Variants in PTPRG observed in about 807,000 individuals in gnomAD.
The protein encoded by PTPRG is protein tyrosine phosphatase receptor type G.
In PTPRG, 102 loss-of-function variants were observed where a neutral mutation model predicts 165.3. The observed-to-expected ratio is 0.62, with a 90% CI of 0.53 to 0.73. PTPRG has a LOEUF of 0.73. Among genes scored for constraint, PTPRG ranks in the 30% least tolerant of loss-of-function variants. The pLI, the probability that PTPRG is intolerant of heterozygous loss-of-function variation, is 0.00. For missense variants in PTPRG, 1,866 were observed against 1,861.4 expected (o/e 1.00, Z -0.05); for synonymous variants, 675 against 669.5 (o/e 1.01, Z -0.13).
chr3:61,661,894 C>A (rs1702678701), intron 1 of PTPRG, among the ~76,000 whole-genome samples: 1 of 152,176 alleles, frequency 6.6e-6, no homozygotes, highest in Non-Finnish European at 1.5e-5. Context: ...TGTTTCTTTT[C>A]AGAAATTAAT....
Position 61,784,527 on chromosome 3 carries a change from A to G in PTPRG, c.190+35545A>G, listed in dbSNP as rs569722525. On this transcript the variant is annotated intron_variant, in intron 2 of 29. Coordinates refer to ENST00000474889, the MANE Select transcript of PTPRG (RefSeq NM_002841.4). Reference sequence around the variant, plus strand: ...GACTGTGGTTGAGGATGTTGAGGGTAAGTTAGCAGCTGACATCTGTGTTTC... The same window carrying G: ...GACTGTGGTTGAGGATGTTGAGGGTGAGTTAGCAGCTGACATCTGTGTTTC... Among the ~76,000 whole-genome samples the G allele has an allele frequency of 4.6e-5, 7 of 152,280 alleles. No individual in the cohort carries two copies. In the South Asian group the frequency reaches 1.2e-3, roughly 27 times the overall value.
chr3:61,651,298 C>T (rs930982614), intron 1 of PTPRG, among the ~76,000 whole-genome samples: 9 of 151,810 alleles, frequency 5.9e-5, no homozygotes, highest in African/African-American at 2.2e-4. Context: ...CAGAGGTAAT[C>T]TTATCCCTTT....
chr3:61,786,956 T>C (rs768987506), intron 2 of PTPRG, among the ~76,000 whole-genome samples: 1 of 152,134 alleles, frequency 6.6e-6, no homozygotes, highest in Admixed American at 6.6e-5. Flanking sequence ...TCAATGCTAG[T>C]TTTTCTAAGC....
chr3:61,817,312 C>A, intron 2 of PTPRG, among the ~76,000 whole-genome samples: 1 of 144,146 alleles, frequency 6.9e-6, no homozygotes, highest in Non-Finnish European at 1.5e-5. Flanking sequence ...AATGGTTCAA[C>A]AATTTTATAG....
intron 2 of PTPRG, among the ~76,000 whole-genome samples, chr3:61,823,275 C>A (rs1174198223): frequency 6.6e-6 from 1 of 152,220 alleles, no homozygotes. Flanking sequence ...ACTACAACCT[C>A]TACCTCCCGG....
intron 4 of PTPRG, among the ~76,000 whole-genome samples, chr3:62,068,484 G>C (rs968913774): frequency 6.6e-6 from 1 of 152,006 alleles, no homozygotes; most frequent in Non-Finnish European, 1.5e-5. Flanking sequence ...TTGTTTGTTT[G>C]TTTTTAATTG....
intron 2 of PTPRG, among the ~76,000 whole-genome samples, chr3:61,850,899 A>AT (rs1402704882): frequency 1.3e-5 from 2 of 152,152 alleles, no homozygotes; most frequent in Non-Finnish European, 2.9e-5. Context: ...GTACATCTCA[A>AT]TTTTGCTTTC....
intron 1 of PTPRG, among the ~76,000 whole-genome samples, chr3:61,595,278 T>C (rs542555071): frequency 6.8e-6 from 1 of 146,868 alleles, no homozygotes; most frequent in South Asian, 2.4e-4. Context: ...TGCTAGTACA[T>C]ATTAACGTTG....
intron 2 of PTPRG, among the ~76,000 whole-genome samples, chr3:61,809,382 G>C (rs958276408): frequency 6.6e-6 from 1 of 152,050 alleles, no homozygotes; most frequent in Non-Finnish European, 1.5e-5. Context: ...CATTGCCCAT[G>C]AAACAGTTTT....
intron 2 of PTPRG, among the ~76,000 whole-genome samples, chr3:61,960,119 T>G (rs2040117777): frequency 6.6e-6 from 1 of 152,200 alleles, no homozygotes; most frequent in Non-Finnish European, 1.5e-5. Flanking sequence ...TTATGTTGTT[T>G]TTCACAAGCT....
intron 1 of PTPRG, among the ~76,000 whole-genome samples, chr3:61,632,973 CA>C (rs1250511572): frequency 2.0e-5 from 3 of 152,136 alleles, no homozygotes; most frequent in African/African-American, 7.2e-5. Flanking sequence ...AACTTTTTTC[CA>C]CCCCAGGGTT....
intron 4 of PTPRG, among the ~76,000 whole-genome samples, chr3:62,032,158 C>T (rs1205257233): frequency 6.6e-6 from 1 of 152,140 alleles, no homozygotes; most frequent in Non-Finnish European, 1.5e-5. Flanking sequence ...GATGGGCCTG[C>T]AGAGAACACA....
chr3:61,618,648 C>T (rs1172359600), intron 1 of PTPRG, among the ~76,000 whole-genome samples: 2 of 152,148 alleles, frequency 1.3e-5, no homozygotes, highest in African/African-American at 4.8e-5. Context: ...CACAGCATAT[C>T]CATCTTCTGT....
intron 7 of PTPRG, among the ~76,000 whole-genome samples, chr3:62,167,699 AG>A (rs1705048069): frequency 6.6e-6 from 1 of 152,242 alleles, no homozygotes; most frequent in East Asian, 1.9e-4. Context: ...CTCTCATGGG[AG>A]GCACAAACTC....
At chr3:61,909,678 A>G (rs2038752560) in intron 2 of PTPRG, among the ~76,000 whole-genome samples, 2 of 152,250 alleles carry the variant, frequency 1.3e-5, no homozygotes, top group African/African-American at 2.4e-5. Flanking sequence ...GAGCCATGGC[A>G]TCTGACCTCA....
At chr3:62,265,380 C>T (rs1006424510) in intron 17 of PTPRG, among the ~76,000 whole-genome samples, 1 of 151,910 alleles carries the variant, frequency 6.6e-6, no homozygotes, top group African/African-American at 2.4e-5. Flanking sequence ...TCCATTTGAT[C>T]CTAATGTAAA....
chr3:61,733,340 CTA>C (rs1169629110), intron 1 of PTPRG, among the ~76,000 whole-genome samples: 2 of 152,152 alleles, frequency 1.3e-5, no homozygotes, highest in Non-Finnish European at 2.9e-5. Flanking sequence ...TTCCGTTTCT[CTA>C]TCTGTTTAGA....
At chr3:61,984,010 A>G (rs192680746) in intron 2 of PTPRG, among the ~76,000 whole-genome samples, 395 of 152,332 alleles carry the variant, frequency 2.6e-3, no homozygotes, top group Non-Finnish European at 4.7e-3. Flanking sequence ...GTGAAGTCTC[A>G]GATTCAAGCC....
At chr3:61,743,316 A>G (rs535543451) in intron 1 of PTPRG, among the ~76,000 whole-genome samples, 2 of 152,316 alleles carry the variant, frequency 1.3e-5, no homozygotes, top group East Asian at 3.9e-4. Flanking sequence ...GTGAGACGTA[A>G]GCATCATTGG....
Sources: gnomAD v4.1 joint callset for allele counts (sites outside exome capture counted in the v4.1 genomes callset) on GRCh38, gnomAD v4.1.1 for gene constraint, MANE v1.5 for transcripts, NCBI Gene and HGNC (gene_info 2026-07-23, HGNC 2026-07-21) for gene names.